Variants in MED13L observed in about 807,000 individuals in gnomAD.
The protein encoded by MED13L is mediator complex subunit 13L, also known as mediator of RNA polymerase II transcription subunit 13-like.
In MED13L, 7 loss-of-function variants were observed where a neutral mutation model predicts 220.9. The observed-to-expected ratio is 0.03, with a 90% CI of 0.02 to 0.06. The LOEUF (loss-of-function observed/expected upper bound fraction) is 0.06, where lower values mean the gene tolerates loss of function less well. Among genes scored for constraint, MED13L ranks in the 10% least tolerant of loss-of-function variants. The probability of loss-of-function intolerance (pLI) is 1.00; values close to 1 mark genes in which losing one functional copy is unlikely to be tolerated. For missense variants in MED13L, 1,965 were observed against 2,760.5 expected (o/e 0.71, Z 6.46); for synonymous variants, 1,011 against 1,015.2 (o/e 1.00, Z 0.08).
chr12:116,242,788 G>T (rs1870771611), intron 1 of MED13L, among the ~76,000 whole-genome samples: 1 of 152,158 alleles, frequency 6.6e-6, no homozygotes, highest in Non-Finnish European at 1.5e-5. Context: ...CACACAGGTA[G>T]CAAATGGCAG....
At chr12:116,141,734 G>A (rs1318410847) in intron 2 of MED13L, among the ~76,000 whole-genome samples, 1 of 152,000 alleles carries the variant, frequency 6.6e-6, no homozygotes, top group East Asian at 1.9e-4. Flanking sequence ...CTTCTGTGCT[G>A]GCTCTCCCCA....
chr12:116,056,006 C>G (rs987639882), intron 4 of MED13L, among the ~76,000 whole-genome samples: 1 of 152,024 alleles, frequency 6.6e-6, no homozygotes, highest in Non-Finnish European at 1.5e-5. Flanking sequence ...ATAAGCTCCA[C>G]GAGCAGACAA....
intron 2 of MED13L, among the ~76,000 whole-genome samples, chr12:116,198,637 A>G (rs1383273608): frequency 6.6e-6 from 1 of 152,204 alleles, no homozygotes; most frequent in East Asian, 1.9e-4. Flanking sequence ...TAATGTTGCC[A>G]TAACTTAACA....
intron 26 of MED13L, among the ~76,000 whole-genome samples, chr12:115,971,180 C>A (rs1876557914): frequency 6.6e-6 from 1 of 152,204 alleles, no homozygotes. Flanking sequence ...ATGCTTACTA[C>A]ATGCCAGCAT....
At chr12:115,974,194 C>G (rs1252930796) in intron 25 of MED13L, among the ~76,000 whole-genome samples, 1 of 152,174 alleles carries the variant, frequency 6.6e-6, no homozygotes, top group Non-Finnish European at 1.5e-5. Context: ...AACGGCAGAA[C>G]TGAATAGTCA....
intron 8 of MED13L, among the ~76,000 whole-genome samples, chr12:116,014,151 G>C (rs1054268571): frequency 2.6e-5 from 4 of 152,110 alleles, no homozygotes; most frequent in African/African-American, 2.4e-5. Flanking sequence ...GACTATTCTA[G>C]AATCAATTCA....
At chr12:116,109,562 C>CT (rs1043653569) in intron 3 of MED13L, among the ~76,000 whole-genome samples, 3 of 152,008 alleles carry the variant, frequency 2.0e-5, no homozygotes, top group African/African-American at 7.2e-5. Context: ...TTAAAATATA[C>CT]TTTGTTCACA....
At chr12:115,965,579 C>T (rs557406204) in intron 29 of MED13L, among the ~76,000 whole-genome samples, 1 of 152,258 alleles carries the variant, frequency 6.6e-6, no homozygotes, top group East Asian at 1.9e-4. Context: ...AGTAGGGGAT[C>T]TTTTGTTTTG....
At chr12:116,125,778 A>C (rs1293776843) in intron 2 of MED13L, among the ~76,000 whole-genome samples, 1 of 152,242 alleles carries the variant, frequency 6.6e-6, no homozygotes, top group African/African-American at 2.4e-5. Context: ...AATCATCAGT[A>C]TAAAACATGT....
chr12:116,161,203 A>G (rs1878828612), intron 2 of MED13L, among the ~76,000 whole-genome samples: 1 of 152,166 alleles, frequency 6.6e-6, no homozygotes. Flanking sequence ...CCCAACTCCC[A>G]ACACTATTGC....
chr12:116,276,701 C>G, intron 1 of MED13L: 1 of 1,198,320 alleles, frequency 8.3e-7, no homozygotes, highest in South Asian at 1.6e-5. Context: ...GCAAAGCCTT[C>G]CACATTTACG....
Position 116,005,858 on chromosome 12 carries a change from G to A in MED13L, c.2469+11C>T, listed in dbSNP as rs533099331. 40 of 1,613,528 alleles carry A rather than the reference G, an allele frequency of 2.5e-5. No homozygotes were observed. The highest frequency in any genetic ancestry group is 5.0e-5 in the Admixed American group (3 of 59,986). On this transcript the variant is annotated intron_variant, in intron 13 of 30. Transcript: ENST00000281928. ...GCGAAATTTTTGTTTATGTAGCTACGGCAAACTCACCCCAAGTTCGTCGTC... is the reference window on the plus strand; with the variant it reads ...GCGAAATTTTTGTTTATGTAGCTACAGCAAACTCACCCCAAGTTCGTCGTC...
At chr12:116,150,940 C>T (rs1877988302) in intron 2 of MED13L, among the ~76,000 whole-genome samples, 1 of 152,034 alleles carries the variant, frequency 6.6e-6, no homozygotes, top group East Asian at 1.9e-4. Flanking sequence ...AGCTATGGTA[C>T]GTAAAGCACC....
intron 4 of MED13L, among the ~76,000 whole-genome samples, chr12:116,066,026 G>A: frequency 6.6e-6 from 1 of 152,172 alleles, no homozygotes; most frequent in Non-Finnish European, 1.5e-5. Context: ...TGCACAAGTA[G>A]GACAAAGGTG....
intron 28 of MED13L, among the ~76,000 whole-genome samples, chr12:115,966,983 C>A (rs973235799): frequency 6.6e-6 from 1 of 151,764 alleles, no homozygotes; most frequent in Non-Finnish European, 1.5e-5. Flanking sequence ...ACCTGCCTGG[C>A]GAACATGGTG....
intron 2 of MED13L, among the ~76,000 whole-genome samples, chr12:116,228,718 G>A (rs1488685696): frequency 6.6e-6 from 1 of 152,128 alleles, no homozygotes; most frequent in Non-Finnish European, 1.5e-5. Context: ...CCCTATAAAT[G>A]TGTAGCTCTA....
intron 4 of MED13L, among the ~76,000 whole-genome samples, chr12:116,052,272 G>T (rs1042781517): frequency 2.0e-5 from 3 of 152,174 alleles, no homozygotes; most frequent in Non-Finnish European, 4.4e-5. Context: ...ACACAGGATA[G>T]AGAAACAGAA....
chr12:115,988,801 A>C (rs753634529), intron 17 of MED13L, among the ~76,000 whole-genome samples: 7 of 152,188 alleles, frequency 4.6e-5, no homozygotes, highest in South Asian at 2.1e-4. Flanking sequence ...GAAAGACGAC[A>C]CCACTGATTC....
intron 13 of MED13L, 90 bp downstream of exon 13, chr12:116,005,779 G>T: frequency 6.5e-7 from 1 of 1,529,234 alleles, no homozygotes; most frequent in South Asian, 1.1e-5. Context: ...CCCAAATTCA[G>T]GACACCAAAC....
Sources: allele counts gnomAD v4.1 joint callset (sites outside exome capture counted in the v4.1 genomes callset), GRCh38; gene constraint gnomAD v4.1.1; transcripts MANE v1.5; gene names NCBI Gene and HGNC (gene_info 2026-07-23, HGNC 2026-07-21).